The following OSBPL1A variants were observed in gnomAD, a reference collection of about 807,000 sequenced individuals.
The protein encoded by OSBPL1A is oxysterol-binding protein-related protein 1.
Under a neutral mutation model 137.1 loss-of-function variants are expected in OSBPL1A, and 80 were observed. That is an observed-to-expected ratio of 0.58 (90% CI 0.49 to 0.70). OSBPL1A has a LOEUF of 0.70. OSBPL1A is among the 30% of genes least tolerant of loss of function. OSBPL1A has a pLI of 0.00. For missense variants in OSBPL1A, 970 were observed against 1,129.4 expected (o/e 0.86, Z 2.02); for synonymous variants, 365 against 389.7 (o/e 0.94, Z 0.75).
At chr18:24,303,543 C>A in intron 14 of OSBPL1A, 94 bp downstream of exon 14, 3 of 1,044,888 alleles carry the variant, frequency 2.9e-6, no homozygotes, top group South Asian at 1.8e-5. Flanking sequence ...AATTCAAAAC[C>A]AAAAACTGTT....
intron 16 of OSBPL1A, among the ~76,000 whole-genome samples, chr18:24,234,418 T>C (rs2088379131): frequency 6.6e-6 from 1 of 152,214 alleles, no homozygotes; most frequent in African/African-American, 2.4e-5. Context: ...GTTTACACAA[T>C]GGAATTTAAT....
At chr18:24,197,073 T>C (rs77748877) in intron 17 of OSBPL1A, among the ~76,000 whole-genome samples, 10,913 of 152,188 alleles carry the variant, frequency 0.072, 542 homozygotes, top group Middle Eastern at 0.18. Flanking sequence ...GCTGGCCGGG[T>C]GTGGTGGTTC....
chr18:24,333,119 A>G (rs375127395), intron 6 of OSBPL1A, 33 bp from the exon 7 acceptor site: 6 of 1,602,024 alleles, frequency 3.7e-6, no homozygotes, highest in Admixed American at 1.7e-5. Flanking sequence ...GCAGAATTAT[A>G]TATCAAAGAT....
chr18:24,295,676 G>A (rs2090276583), intron 14 of OSBPL1A, among the ~76,000 whole-genome samples: 1 of 152,120 alleles, frequency 6.6e-6, no homozygotes, highest in Non-Finnish European at 1.5e-5. Flanking sequence ...CTATTTTGGG[G>A]AAAAGCTATA....
intron 11 of OSBPL1A, among the ~76,000 whole-genome samples, chr18:24,315,049 G>A (rs1000154322): frequency 6.6e-6 from 1 of 152,120 alleles, no homozygotes; most frequent in African/African-American, 2.4e-5. Context: ...ACCCGGATAC[G>A]AAAGAAAAGG....
At chr18:24,293,704 GA>G (rs916643671) in intron 14 of OSBPL1A, among the ~76,000 whole-genome samples, 59 of 152,286 alleles carry the variant, frequency 3.9e-4, no homozygotes, top group African/African-American at 1.4e-3. Context: ...AGAGGAGCCA[GA>G]AAGGGAACTG....
chr18:24,311,638 G>T, intron 13 of OSBPL1A: 1 of 396,862 alleles, frequency 2.5e-6, no homozygotes, highest in Non-Finnish European at 3.6e-6. Flanking sequence ...AATGTGCAGT[G>T]AAGTCATAAA....
chr18:24,219,707 C>T (rs2087825304), intron 17 of OSBPL1A, among the ~76,000 whole-genome samples: 1 of 152,126 alleles, frequency 6.6e-6, no homozygotes, highest in African/African-American at 2.4e-5. Context: ...CTCAGCCCGT[C>T]TCCAAAAGAG....
chr18:24,311,681 C>A (rs1311588918), intron 13 of OSBPL1A: 7 of 318,454 alleles, frequency 2.2e-5, no homozygotes, highest in Non-Finnish European at 3.2e-5. Flanking sequence ...TGCTCCCCAT[C>A]CTCGCAGCAA....
At chr18:24,349,710 T>C (rs2091404935) in intron 4 of OSBPL1A, among the ~76,000 whole-genome samples, 1 of 138,182 alleles carries the variant, frequency 7.2e-6, no homozygotes, top group Admixed American at 7.6e-5. Context: ...CTGAGAGTGA[T>C]CCCTTGCAAA....
intron 2 of OSBPL1A, among the ~76,000 whole-genome samples, chr18:24,376,821 G>A (rs1030796735): frequency 7.2e-5 from 11 of 152,354 alleles, no homozygotes; most frequent in African/African-American, 1.9e-4. Flanking sequence ...CCGCTGGCCC[G>A]GGTGCTAAGC....
intron 18 of OSBPL1A, among the ~76,000 whole-genome samples, chr18:24,184,263 A>G (rs2086685779): frequency 1.3e-5 from 2 of 152,134 alleles, no homozygotes; most frequent in Admixed American, 1.3e-4. Context: ...CACCTTAACC[A>G]ATTTATACTG....
chr18:24,393,723 G>A (rs374753137), intron 1 of OSBPL1A, among the ~76,000 whole-genome samples: 3 of 152,308 alleles, frequency 2.0e-5, no homozygotes, highest in African/African-American at 7.2e-5. Context: ...AAAGTGCTGG[G>A]ATTACAGGTG....
At chr18:24,275,425 T>A (rs2089822158) in intron 15 of OSBPL1A, among the ~76,000 whole-genome samples, 1 of 151,888 alleles carries the variant, frequency 6.6e-6, no homozygotes. Flanking sequence ...TGGAAGGAGA[T>A]CTGAGGGGAC....
intron 4 of OSBPL1A, chr18:24,358,299 C>T: frequency 3.3e-6 from 2 of 597,688 alleles, no homozygotes; most frequent in East Asian, 2.8e-5. Flanking sequence ...GGCCTGGCTG[C>T]TCATCCCCAA....
chr18:24,345,444 TGA>T (rs2091331322), intron 4 of OSBPL1A, among the ~76,000 whole-genome samples: 1 of 152,180 alleles, frequency 6.6e-6, no homozygotes, highest in Admixed American at 6.5e-5. Context: ...CCCAGCACTT[TGA>T]GAGGCCGAGG....
At position 24,239,471 on chromosome 18, in the gene OSBPL1A, C is replaced by T. The variant is rs78823763; in HGVS notation, c.1282-89G>A. On this transcript the variant is annotated intron_variant, in intron 15 of 27. Transcript: ENST00000319481. The stretch of plus-strand genomic sequence containing the variant: ...GATGTGAAAATTAATTGCTTTTGAT[C>T]CAGTTCAACTGCAATATCAGAAATG... The T allele has an allele frequency of 6.2e-4, 738 of 1,183,624 alleles. 10 individuals carry two copies. The East Asian group carries it at 0.018, about 29-fold the overall frequency. 73.3% of individuals were successfully genotyped at this position (1,183,624 alleles called of 1,614,324 possible).
At chr18:24,182,073 A>G (rs1282817293) in intron 18 of OSBPL1A, among the ~76,000 whole-genome samples, 1 of 65,782 alleles carries the variant, frequency 1.5e-5, no homozygotes, top group Non-Finnish European at 3.6e-5. Context: ...AGCTTTTGAA[A>G]TGACAATGAA....
chr18:24,183,097 C>T (rs2086650834), intron 18 of OSBPL1A, among the ~76,000 whole-genome samples: 1 of 152,018 alleles, frequency 6.6e-6, no homozygotes, highest in Non-Finnish European at 1.5e-5. Context: ...TCTCGAACTC[C>T]TGACCTCAAG....
Sources: allele counts gnomAD v4.1 joint callset (sites outside exome capture counted in the v4.1 genomes callset), GRCh38; gene constraint gnomAD v4.1.1; transcripts MANE v1.5; gene names NCBI Gene and HGNC (gene_info 2026-07-23, HGNC 2026-07-21).